The following PLA2G4E variants were observed in gnomAD, a reference collection of about 807,000 sequenced individuals.
PLA2G4E encodes cytosolic phospholipase A2 epsilon.
PLA2G4E carries 84 observed loss-of-function variants against 109.1 expected under a neutral mutation model. That is an observed-to-expected ratio of 0.77 (90% CI 0.65 to 0.92). The LOEUF is 0.92. Among genes scored for constraint, PLA2G4E ranks in the 40% least tolerant of loss-of-function variants. The pLI is 0.00. For synonymous variants in PLA2G4E, 469 were observed against 436.1 expected (o/e 1.08, Z -0.94); for missense variants, 1,057 against 1,076.6 (o/e 0.98, Z 0.25).
intron 2 of PLA2G4E, among the ~76,000 whole-genome samples, chr15:42,012,062 G>A (rs948277776): frequency 6.6e-6 from 1 of 152,186 alleles, no homozygotes; most frequent in African/African-American, 2.4e-5. Context: ...CACTCCTGCT[G>A]GCGCAGGCTC....
intron 1 of PLA2G4E, among the ~76,000 whole-genome samples, chr15:42,040,290 T>G (rs991093686): frequency 6.6e-5 from 10 of 152,288 alleles, no homozygotes; most frequent in African/African-American, 2.2e-4. Context: ...GATAATTACA[T>G]GTACAAATGA....
chr15:42,050,502 C>T (rs1385409120), intron 1 of PLA2G4E: 4 of 1,545,412 alleles, frequency 2.6e-6, no homozygotes, highest in Non-Finnish European at 3.5e-6. Context: ...AGACCCCCCT[C>T]CCAGGAACAC....
chr15:42,032,685 G>A (rs1359028265), intron 1 of PLA2G4E, among the ~76,000 whole-genome samples: 2 of 152,240 alleles, frequency 1.3e-5, no homozygotes, highest in African/African-American at 4.8e-5. Context: ...CTGATTTCTG[G>A]GGCCTGGCTT....
chr15:42,005,322 C>A lies in PLA2G4E; in HGVS notation c.526-344G>T, dbSNP rs534769151. 1.3e-3 allele frequency among the ~76,000 whole-genome samples: 205 copies of A among 152,358 alleles called. 1 individual carries two copies. Among genetic ancestry groups the A allele is most frequent in the African/African-American group, 4.7e-3 (195 of 41,582 alleles). On this transcript the variant is annotated intron_variant, in intron 4 of 19. Transcript: ENST00000399518. ...ACTCAGTGCCTGTGGCAAGGGAGCGCTGAGATACGCCTTCAGAAAGCCCAT... is the reference window on the plus strand; with the variant it reads ...ACTCAGTGCCTGTGGCAAGGGAGCGATGAGATACGCCTTCAGAAAGCCCAT...
At chr15:41,996,704 T>C (rs1407448426) in intron 11 of PLA2G4E, among the ~76,000 whole-genome samples, 1 of 152,236 alleles carries the variant, frequency 6.6e-6, no homozygotes, top group Non-Finnish European at 1.5e-5. Context: ...CTGTTATTTC[T>C]GGGAGTGTGT....
intron 1 of PLA2G4E, among the ~76,000 whole-genome samples, chr15:42,026,335 TG>T (rs1325951711): frequency 6.6e-6 from 1 of 152,182 alleles, no homozygotes; most frequent in African/African-American, 2.4e-5. Flanking sequence ...AACTGTTTAA[TG>T]GGTGACATGG....
Position 41,985,911 on chromosome 15 carries a change from CG to C in PLA2G4E, c.2129del (p.Pro710ArgfsTer27). ...CTTTTCGCTCTGGCCTGAGGAGGGG[CG>C]GGTAGCTGGAGTTGACAAAGAACGC... is the stretch of plus-strand genomic sequence containing the variant. On this transcript the variant is annotated frameshift_variant, in exon 18 of 20. Coordinates refer to ENST00000399518, the Ensembl canonical transcript of PLA2G4E. LOFTEE classifies it high-confidence loss of function. 5 of 1,608,866 alleles carry C rather than the reference CG, an allele frequency of 3.1e-6. No homozygotes were observed. Among genetic ancestry groups the C allele is most frequent in the Non-Finnish European group, 4.2e-6 (5 of 1,177,646 alleles).
At chr15:42,037,940 T>A (rs748508612) in intron 1 of PLA2G4E, among the ~76,000 whole-genome samples, 5 of 152,200 alleles carry the variant, frequency 3.3e-5, no homozygotes, top group Non-Finnish European at 7.4e-5. Context: ...AGGCTGGTAG[T>A]GTGAGCTGAG....
chr15:42,038,556 C>A (rs146348836), intron 1 of PLA2G4E, among the ~76,000 whole-genome samples: 9 of 152,298 alleles, frequency 5.9e-5, no homozygotes, highest in African/African-American at 2.2e-4. Context: ...GAGGATCTAA[C>A]GGCATTGCTG....
intron 1 of PLA2G4E, among the ~76,000 whole-genome samples, chr15:42,027,475 C>T (rs1446213737): frequency 5.3e-5 from 8 of 152,186 alleles, no homozygotes; most frequent in Non-Finnish European, 1.2e-4. Flanking sequence ...TGCCACTGCT[C>T]TTGTCTAAGC....
chr15:41,995,981 A>G (rs746185778), intron 11 of PLA2G4E, among the ~76,000 whole-genome samples: 6 of 152,090 alleles, frequency 3.9e-5, no homozygotes, highest in Non-Finnish European at 8.8e-5. Flanking sequence ...GAGTCAATGG[A>G]CTGGTGATGT....
chr15:41,997,337 A>C, intron 10 of PLA2G4E, 78 bp from the exon 11 acceptor site: 1 of 1,379,784 alleles, frequency 7.2e-7, no homozygotes, highest in African/African-American at 1.5e-5. Context: ...GGTCCATTGG[A>C]CCTAGGCTCA....
chr15:42,033,706 C>T (rs1400415602), intron 1 of PLA2G4E, among the ~76,000 whole-genome samples: 1 of 152,142 alleles, frequency 6.6e-6, no homozygotes, highest in Non-Finnish European at 1.5e-5. Context: ...AGAGGGTCCT[C>T]TGGTCTGTGA....
At chr15:42,040,829 T>C (rs920925770) in intron 1 of PLA2G4E, among the ~76,000 whole-genome samples, 5 of 152,194 alleles carry the variant, frequency 3.3e-5, no homozygotes, top group Non-Finnish European at 5.9e-5. Context: ...CTGATGTAAT[T>C]GGTATGGTGT....
chr15:42,014,071 T>C (rs543258294), intron 1 of PLA2G4E, among the ~76,000 whole-genome samples: 11 of 151,972 alleles, frequency 7.2e-5, no homozygotes, highest in Non-Finnish European at 1.5e-4. Flanking sequence ...TTTGTAGTTT[T>C]AGTTGAGACA....
chr15:42,009,420 C>T (rs1005589362), intron 2 of PLA2G4E, among the ~76,000 whole-genome samples: 17 of 152,230 alleles, frequency 1.1e-4, no homozygotes, highest in African/African-American at 3.6e-4. Context: ...GGCTTCCCAT[C>T]TCCTGTCTTG....
intron 3 of PLA2G4E, among the ~76,000 whole-genome samples, 196 bp downstream of exon 3, chr15:42,007,533 A>G (rs903192251): frequency 6.6e-6 from 1 of 152,178 alleles, no homozygotes; most frequent in African/African-American, 2.4e-5. Context: ...AAAGAGAAAT[A>G]GACTCAGAGA....
intron 10 of PLA2G4E, 53 bp from the exon 11 acceptor site, chr15:41,997,312 T>G (rs2068358740): frequency 6.8e-7 from 1 of 1,476,648 alleles, no homozygotes; most frequent in Admixed American, 2.3e-5. Flanking sequence ...CTCCCTGGAG[T>G]AGACACAGCT....
At chr15:42,004,875 T>A (rs2068458576) in intron 5 of PLA2G4E, 63 bp downstream of exon 5, 1 of 1,585,394 alleles carries the variant, frequency 6.3e-7, no homozygotes, top group Non-Finnish European at 8.6e-7. Flanking sequence ...TCTGAAATGC[T>A]CGTTCCCAGA....
Sources: allele counts gnomAD v4.1 joint callset (sites outside exome capture counted in the v4.1 genomes callset), GRCh38; gene constraint gnomAD v4.1.1; transcripts MANE v1.5; gene names NCBI Gene and HGNC (gene_info 2026-07-23, HGNC 2026-07-21).